Variants in TAOK1 observed in about 807,000 individuals in gnomAD.
TAOK1 encodes the protein serine/threonine-protein kinase TAO1.
TAOK1 carries 21 observed loss-of-function variants against 138.3 expected under a neutral mutation model. That is an observed-to-expected ratio of 0.15 (90% confidence interval 0.11 to 0.22). The LOEUF (loss-of-function observed/expected upper bound fraction) is 0.22. Among genes scored for constraint, TAOK1 ranks in the 10% least tolerant of loss-of-function variants. TAOK1 has a pLI of 1.00. For synonymous variants in TAOK1, 361 were observed against 398.4 expected (o/e 0.91, Z 1.12); for missense variants, 651 against 1,227.7 (o/e 0.53, Z 7.02).
intron 1 of TAOK1, among the ~76,000 whole-genome samples, chr17:29,435,967 A>G (rs560679979): frequency 6.6e-6 from 1 of 152,196 alleles, no homozygotes; most frequent in Non-Finnish European, 1.5e-5. Context: ...CATCTGTACT[A>G]AAAATACAAA....
chr17:29,532,717 C>G (rs1420405120), intron 18 of TAOK1, among the ~76,000 whole-genome samples: 1 of 152,148 alleles, frequency 6.6e-6, no homozygotes, highest in Non-Finnish European at 1.5e-5. Context: ...TAGTACAGAA[C>G]AAAATGAAAA....
At chr17:29,536,517 G>A (rs761246738) in intron 19 of TAOK1, among the ~76,000 whole-genome samples, 31 of 135,968 alleles carry the variant, frequency 2.3e-4, no homozygotes, top group Non-Finnish European at 4.1e-4. Context: ...AGAGAATGGC[G>A]TGAACCTGGG....
intron 1 of TAOK1, among the ~76,000 whole-genome samples, chr17:29,447,540 A>G (rs2030118166): frequency 6.6e-6 from 1 of 152,024 alleles, no homozygotes; most frequent in Admixed American, 6.6e-5. Flanking sequence ...CATGTTGGTC[A>G]GGCTGGCAGG....
At chr17:29,440,653 G>A (rs1282502527) in intron 1 of TAOK1, among the ~76,000 whole-genome samples, 1 of 151,136 alleles carries the variant, frequency 6.6e-6, no homozygotes, top group South Asian at 2.1e-4. Flanking sequence ...TCAGCTTACT[G>A]CAGCCTCTGC....
intron 14 of TAOK1, 131 bp from the exon 15 acceptor site, chr17:29,510,733 A>T: frequency 1.6e-6 from 1 of 622,266 alleles, no homozygotes; most frequent in Non-Finnish European, 2.5e-6. Flanking sequence ...AATTTGGTTC[A>T]GTCTTTTATT....
chr17:29,399,966 A>C (rs1904787284), intron 1 of TAOK1, among the ~76,000 whole-genome samples: 1 of 152,126 alleles, frequency 6.6e-6, no homozygotes, highest in African/African-American at 2.4e-5. Flanking sequence ...TTCTGAGTTT[A>C]AGTGATCCTT....
At chr17:29,531,425 G>A (rs866164651) in intron 18 of TAOK1, among the ~76,000 whole-genome samples, 8 of 151,864 alleles carry the variant, frequency 5.3e-5, no homozygotes, top group African/African-American at 1.9e-4. Context: ...GATTACAGGC[G>A]CAAAATATTT....
chr17:29,429,934 C>A (rs1398265776), intron 1 of TAOK1, among the ~76,000 whole-genome samples: 1 of 152,000 alleles, frequency 6.6e-6, no homozygotes, highest in East Asian at 1.9e-4. Flanking sequence ...TACAACTGAT[C>A]TTGTTGACAG....
At chr17:29,435,845 G>A (rs776349299) in intron 1 of TAOK1, among the ~76,000 whole-genome samples, 1 of 152,154 alleles carries the variant, frequency 6.6e-6, no homozygotes, top group Non-Finnish European at 1.5e-5. Context: ...AATACTCACA[G>A]ATAGGCGGGG....
intron 10 of TAOK1, among the ~76,000 whole-genome samples, chr17:29,492,167 T>C (rs2031307788): frequency 6.6e-6 from 1 of 152,206 alleles, no homozygotes; most frequent in Non-Finnish European, 1.5e-5. Flanking sequence ...ATTACAGGCA[T>C]GAGCCACCAG....
chr17:29,511,534 C>T (rs965710648), intron 15 of TAOK1: 1 of 151,126 alleles, frequency 6.6e-6, no homozygotes, highest in Admixed American at 6.6e-5. Flanking sequence ...TCGTGCCTGG[C>T]CTTATGTTTT....
At chr17:29,457,907 G>A (rs1377788657) in intron 2 of TAOK1, among the ~76,000 whole-genome samples, 5 of 151,810 alleles carry the variant, frequency 3.3e-5, no homozygotes, top group Admixed American at 1.3e-4. Context: ...TCAGGAGATC[G>A]AGACCATCCT....
chr17:29,421,820 C>A (rs930832710), intron 1 of TAOK1, among the ~76,000 whole-genome samples: 4 of 152,064 alleles, frequency 2.6e-5, no homozygotes, highest in East Asian at 1.9e-4. Context: ...CCAGGCTGGT[C>A]TCAAACTCCT....
At chr17:29,394,784 C>T (rs111823436) in intron 1 of TAOK1, among the ~76,000 whole-genome samples, 61 of 152,206 alleles carry the variant, frequency 4.0e-4, no homozygotes, top group African/African-American at 8.4e-4. Flanking sequence ...CATATGTGAA[C>T]GAATCCCTTC....
intron 18 of TAOK1, among the ~76,000 whole-genome samples, chr17:29,533,422 C>T (rs1341459889): frequency 0.01 from 1,592 of 152,126 alleles, 30 homozygotes; most frequent in African/African-American, 0.036. Context: ...AGACGCTCCT[C>T]ACTTCCCAGA....
intron 1 of TAOK1, among the ~76,000 whole-genome samples, chr17:29,412,047 CTCTT>C (rs1420478025): frequency 2.6e-5 from 4 of 151,348 alleles, no homozygotes; most frequent in South Asian, 2.1e-4. Flanking sequence ...CTTTCTCTCT[CTCTT>C]TCTTTTTTTG....
rs1053220068 is a variant in TAOK1 at position 29,548,944 on chromosome 17, T to C, written c.*5922T>C. The C allele has an allele frequency of 6.6e-6, 1 of 152,180 alleles. No individual in the cohort carries two copies. The highest frequency in any genetic ancestry group is 1.5e-5 in the Non-Finnish European group (1 of 68,018). 9.4% of individuals were successfully genotyped at this position (152,180 alleles called of 1,614,324 possible). A position where few individuals can be genotyped will look rare whatever the true frequency, so the allele number is the denominator to read the frequency against. ...GAGATCTTTTGCAGTGAAATAATTT[T>C]ATTTAATATAAATGATCACATGTCC... On this transcript the variant is annotated 3_prime_UTR_variant, in exon 20 of 20. Coordinates refer to ENST00000261716, the MANE Select transcript of TAOK1 (RefSeq NM_020791.4).
At chr17:29,404,447 C>T (rs1904936132) in intron 1 of TAOK1, among the ~76,000 whole-genome samples, 2 of 152,080 alleles carry the variant, frequency 1.3e-5, no homozygotes, top group Admixed American at 1.3e-4. Context: ...CAGGCATGAG[C>T]CACCACACCT....
In TAOK1 at chr17:29,545,484, T is replaced by G. The variant is rs1317984506; in HGVS notation, c.*2462T>G. The stretch of plus-strand genomic sequence containing the variant: ...CAATTGTGGACTTAAATTAGTCAAA[T>G]TGAGAGTTACTGAGTCCATTCAGAT... On this transcript the variant is annotated 3_prime_UTR_variant, in exon 20 of 20. Transcript: ENST00000261716. 1 of 152,178 alleles carries G rather than the reference T, an allele frequency of 6.6e-6. No homozygotes were observed. The highest frequency in any genetic ancestry group is 1.5e-5 in the Non-Finnish European group (1 of 68,004). The allele number at this position is 152,178 out of a possible 1,614,324, so 9.4% of individuals were successfully genotyped here.
Sources: allele counts gnomAD v4.1 joint callset (sites outside exome capture counted in the v4.1 genomes callset), GRCh38; gene constraint gnomAD v4.1.1; transcripts MANE v1.5; gene names NCBI Gene and HGNC (gene_info 2026-07-23, HGNC 2026-07-21).